DENND1A: variants seen among roughly 807,000 people sequenced by gnomAD.
The protein encoded by DENND1A is DENN domain-containing protein 1A.
DENND1A carries 51 observed loss-of-function variants against 113.7 expected under a neutral mutation model. That is an observed-to-expected ratio of 0.45 (90% CI 0.36 to 0.57). The LOEUF is 0.57. Among genes scored for constraint, DENND1A ranks in the 20% least tolerant of loss-of-function variants. The probability of loss-of-function intolerance (pLI) is 0.00; values close to 1 mark genes in which losing one functional copy is unlikely to be tolerated. For synonymous variants in DENND1A, 565 were observed against 570.8 expected (o/e 0.99, Z 0.14); for missense variants, 1,258 against 1,395.9 (o/e 0.90, Z 1.57).
At chr9:123,539,707 C>A (rs2056127821) in intron 13 of DENND1A, among the ~76,000 whole-genome samples, 2 of 151,956 alleles carry the variant, frequency 1.3e-5, no homozygotes, top group South Asian at 4.2e-4. Context: ...CACGGTGAAA[C>A]CCCATCTCCA....
chr9:123,717,920 A>G (rs2067086899), intron 5 of DENND1A, among the ~76,000 whole-genome samples: 1 of 152,224 alleles, frequency 6.6e-6, no homozygotes, highest in African/African-American at 2.4e-5. Context: ...CAATTTTGGA[A>G]ACATACAACT....
At chr9:123,488,254 A>C (rs1398298231) in intron 13 of DENND1A, among the ~76,000 whole-genome samples, 2 of 152,192 alleles carry the variant, frequency 1.3e-5, no homozygotes, top group African/African-American at 2.4e-5. Context: ...CCCCTCCCCC[A>C]GCTGCCTCCG....
intron 12 of DENND1A, among the ~76,000 whole-genome samples, chr9:123,558,222 A>G (rs915282128): frequency 4.6e-5 from 7 of 152,210 alleles, no homozygotes; most frequent in African/African-American, 1.7e-4. Flanking sequence ...TAGGCTACAT[A>G]CCTAGCAACA....
At chr9:123,620,240 A>G (rs1242833891) in intron 10 of DENND1A, among the ~76,000 whole-genome samples, 2 of 143,298 alleles carry the variant, frequency 1.4e-5, no homozygotes, top group African/African-American at 2.7e-5. Context: ...AAAAAAAAAG[A>G]AAAGAAAAAG....
intron 12 of DENND1A, among the ~76,000 whole-genome samples, chr9:123,566,296 C>T (rs1007962277): frequency 6.6e-6 from 1 of 152,142 alleles, no homozygotes; most frequent in African/African-American, 2.4e-5. Context: ...GTACCTTGAC[C>T]TCAGTTGGCT....
intron 19 of DENND1A, among the ~76,000 whole-genome samples, chr9:123,438,190 C>G (rs4240478): frequency 0.58 from 88,088 of 151,954 alleles, 27,108 homozygotes; most frequent in Non-Finnish European, 0.69. Flanking sequence ...TTACGGTCAA[C>G]AGCCCATCAA....
chr9:123,878,706 CCAATGATTA>C (rs141315244), intron 2 of DENND1A, among the ~76,000 whole-genome samples: 13,080 of 152,150 alleles, frequency 0.086, 935 homozygotes, highest in African/African-American at 0.2. Flanking sequence ...AAACCAAGAC[CCAATGATTA>C]CAATGAATAA....
At chr9:123,734,215 A>G (rs968144414) in intron 5 of DENND1A, among the ~76,000 whole-genome samples, 9 of 152,216 alleles carry the variant, frequency 5.9e-5, no homozygotes, top group Non-Finnish European at 1.3e-4. Context: ...ATGGAAATAC[A>G]GGATGTTACA....
rs1016248247 is a variant in DENND1A at position 123,489,879 on chromosome 9, T to C, written c.994-31982A>G. Among the ~76,000 whole-genome samples, 13 of 152,362 alleles carry C rather than the reference T, an allele frequency of 8.5e-5. No individual in the cohort carries two copies. The East Asian group carries it at 2.1e-3, about 25-fold the overall frequency. On this transcript the variant is annotated intron_variant, in intron 13 of 23. Transcript: ENST00000394215. Reference sequence around the variant, plus strand: ...GTCAACACTGCTGGTGAAGGTGCTTTGTACGCTCCCTGCATGTTCTGATCC... The same window carrying C: ...GTCAACACTGCTGGTGAAGGTGCTTCGTACGCTCCCTGCATGTTCTGATCC...
chr9:123,657,080 T>C (rs918591518), intron 8 of DENND1A, among the ~76,000 whole-genome samples: 3 of 152,120 alleles, frequency 2.0e-5, no homozygotes, highest in Non-Finnish European at 4.4e-5. Flanking sequence ...CTGAGGAAGG[T>C]CTCTGGACAG....
intron 13 of DENND1A, 141 bp from the exon 14 acceptor site, chr9:123,458,038 T>TC: frequency 1.6e-6 from 1 of 632,038 alleles, no homozygotes. Context: ...TCTCACTCTG[T>TC]CACCCAGGCT....
At chr9:123,814,223 C>T (rs1837098743) in intron 2 of DENND1A, among the ~76,000 whole-genome samples, 1 of 151,978 alleles carries the variant, frequency 6.6e-6, no homozygotes. Context: ...TAATAATTTA[C>T]CAAATAAATT....
At chr9:123,524,228 C>T (rs2054623829) in intron 13 of DENND1A, among the ~76,000 whole-genome samples, 1 of 152,206 alleles carries the variant, frequency 6.6e-6, no homozygotes, top group South Asian at 2.1e-4. Context: ...AATAGGGCAT[C>T]CTACACTGCA....
intron 1 of DENND1A, among the ~76,000 whole-genome samples, chr9:123,903,034 A>C (rs1391883119): frequency 6.6e-6 from 1 of 152,176 alleles, no homozygotes; most frequent in African/African-American, 2.4e-5. Context: ...GTAATTCACT[A>C]CATAAAACTG....
chr9:123,710,534 A>G (rs1313710903), intron 5 of DENND1A, among the ~76,000 whole-genome samples: 1 of 116,698 alleles, frequency 8.6e-6, no homozygotes, highest in Non-Finnish European at 1.9e-5. Flanking sequence ...AGCCTCATTA[A>G]ACACACACAC....
intron 13 of DENND1A, among the ~76,000 whole-genome samples, chr9:123,493,373 C>T (rs1564593953): frequency 6.6e-6 from 1 of 152,162 alleles, no homozygotes; most frequent in Non-Finnish European, 1.5e-5. Flanking sequence ...GCATCAAGTT[C>T]CTCTTGTCAT....
chr9:123,605,556 G>A (rs1391034244), intron 11 of DENND1A, among the ~76,000 whole-genome samples: 1 of 152,164 alleles, frequency 6.6e-6, no homozygotes, highest in Non-Finnish European at 1.5e-5. Flanking sequence ...CTGCTAACAT[G>A]CCACTAGCCT....
chr9:123,855,919 C>A (rs998636979), intron 2 of DENND1A, among the ~76,000 whole-genome samples: 1 of 152,116 alleles, frequency 6.6e-6, no homozygotes, highest in Non-Finnish European at 1.5e-5. Context: ...TGCCTGTAAT[C>A]CCAGCTACTC....
intron 1 of DENND1A, among the ~76,000 whole-genome samples, chr9:123,913,404 G>A (rs73669017): frequency 0.083 from 12,588 of 152,138 alleles, 1,090 homozygotes; most frequent in African/African-American, 0.22. Context: ...ACATTCCAGG[G>A]TTATAACAAT....
Sources: gnomAD v4.1 joint callset for allele counts (sites outside exome capture counted in the v4.1 genomes callset) on GRCh38, gnomAD v4.1.1 for gene constraint, MANE v1.5 for transcripts, NCBI Gene and HGNC (gene_info 2026-07-23, HGNC 2026-07-21) for gene names.